KCNU1: variants seen among roughly 807,000 people sequenced by gnomAD.
The protein encoded by KCNU1 is potassium calcium-activated channel subfamily U member 1.
In KCNU1, 93 loss-of-function variants were observed where a neutral mutation model predicts 126.8. The ratio of observed to expected loss-of-function variants is 0.73; its 90% CI spans 0.62 to 0.87. KCNU1 has a LOEUF of 0.87. KCNU1 is among the 40% of genes least tolerant of loss of function. The pLI is 0.00. For missense variants in KCNU1, 1,330 were observed against 1,367.1 expected (o/e 0.97, Z 0.43); for synonymous variants, 523 against 494.2 (o/e 1.06, Z -0.77).
At chr8:36,892,539 T>A (rs1381831504) in intron 19 of KCNU1, among the ~76,000 whole-genome samples, 1 of 131,394 alleles carries the variant, frequency 7.6e-6, no homozygotes, top group African/African-American at 2.9e-5. Flanking sequence ...TGTCTTTGTG[T>A]CTCATAATTT....
Position 36,833,673 on chromosome 8 carries a change from G to A in KCNU1, c.1212+14G>A. 6.6e-7 allele frequency: 1 copy of A among 1,506,128 alleles called. No individual in the cohort carries two copies. Among genetic ancestry groups the A allele is most frequent in the Non-Finnish European group, 9.2e-7 (1 of 1,082,922 alleles). The allele number at this position is 1,506,128 out of a possible 1,614,324, so 93.3% of individuals were successfully genotyped here. On this transcript the variant is annotated intron_variant, in intron 11 of 26. Coordinates refer to ENST00000399881, the MANE Select transcript of KCNU1 (RefSeq NM_001031836.3). ...AGGCGAGTTGCGGTAAGATCTAGCT[G>A]TTTTTGTTCCTTGTAGTTTTCCTTA... is the stretch of plus-strand genomic sequence containing the variant.
At chr8:36,880,836 A>C (rs1160756396) in intron 19 of KCNU1, among the ~76,000 whole-genome samples, 1 of 152,154 alleles carries the variant, frequency 6.6e-6, no homozygotes, top group African/African-American at 2.4e-5. Context: ...AAGCTGAGAA[A>C]ATAAAAACCT....
At chr8:36,935,209 C>T (rs921577929) in intron 26 of KCNU1, among the ~76,000 whole-genome samples, 1 of 152,020 alleles carries the variant, frequency 6.6e-6, no homozygotes, top group African/African-American at 2.4e-5. Flanking sequence ...CCCACTGGAA[C>T]AAAAGATGAG....
At position 36,837,061 on chromosome 8, in the gene KCNU1, C is replaced by T. The variant is rs567461089; in HGVS notation, c.1518+116C>T. ...CAAGGCCCCAAGCAATGAGATATGACTTCTGCTTGAGCTGGGAAGGGATTA... is the reference window on the plus strand; with the variant it reads ...CAAGGCCCCAAGCAATGAGATATGATTTCTGCTTGAGCTGGGAAGGGATTA... On this transcript the variant is annotated intron_variant, in intron 14 of 26. Coordinates refer to ENST00000399881, the MANE Select transcript of KCNU1 (RefSeq NM_001031836.3). The T allele has an allele frequency of 1.3e-3, 1,217 of 943,246 alleles. 4 individuals carry two copies. The highest frequency in any genetic ancestry group is 1.7e-3 in the Non-Finnish European group (1,065 of 613,740). 58.4% of individuals were successfully genotyped at this position (943,246 alleles called of 1,614,324 possible). A position where few individuals can be genotyped will look rare whatever the true frequency, so the allele number is the denominator to read the frequency against.
intron 10 of KCNU1, among the ~76,000 whole-genome samples, chr8:36,832,927 T>C (rs1486113445): frequency 2.0e-5 from 3 of 152,116 alleles, no homozygotes; most frequent in Non-Finnish European, 4.4e-5. Context: ...ATAATATTTT[T>C]AGCACTCTAT....
At chr8:36,905,284 A>AT (rs2117506408) in intron 19 of KCNU1, among the ~76,000 whole-genome samples, 1 of 152,262 alleles carries the variant, frequency 6.6e-6, no homozygotes, top group South Asian at 2.1e-4. Context: ...AGGAGACAGG[A>AT]GGAAAATAGG....
intron 2 of KCNU1, among the ~76,000 whole-genome samples, chr8:36,791,960 G>A (rs1049622320): frequency 2.6e-5 from 4 of 152,016 alleles, no homozygotes; most frequent in Admixed American, 2.6e-4. Context: ...TGTAGCATGA[G>A]AATACAGTTT....
intron 19 of KCNU1, among the ~76,000 whole-genome samples, chr8:36,904,509 C>T (rs1179298349): frequency 6.6e-6 from 1 of 152,152 alleles, no homozygotes; most frequent in African/African-American, 2.4e-5. Flanking sequence ...GGCTCTTTGA[C>T]TTTTATCCAT....
chr8:36,831,698 A>G (rs1804554520), intron 10 of KCNU1, among the ~76,000 whole-genome samples: 1 of 147,560 alleles, frequency 6.8e-6, no homozygotes, highest in East Asian at 2.0e-4. Context: ...ATTTTCTCCC[A>G]TTTTGTAGGT....
chr8:36,840,793 C>A, intron 15 of KCNU1, 139 bp from the exon 16 acceptor site: 2 of 715,084 alleles, frequency 2.8e-6, no homozygotes, highest in Non-Finnish European at 5.0e-6. Context: ...GGTGGATTCA[C>A]TTACAAGGGA....
rs551746952 is a variant in KCNU1 at position 36,886,567 on chromosome 8, A to T, written c.2010-19141A>T. On this transcript the variant is annotated intron_variant, in intron 19 of 26. Transcript: ENST00000399881. The stretch of plus-strand genomic sequence containing the variant: ...TTTATGTTGAACAGGTTGGCAAAAC[A>T]AACGTATTCAACAGGTTACAGGAAG... 2.0e-5 allele frequency among the ~76,000 whole-genome samples: 3 copies of T among 152,324 alleles called. No individual in the cohort carries two copies. The South Asian group carries it at 6.2e-4, about 32-fold the overall frequency.
chr8:36,902,858 A>G (rs190419457), intron 19 of KCNU1, among the ~76,000 whole-genome samples: 1 of 152,100 alleles, frequency 6.6e-6, no homozygotes, highest in African/African-American at 2.4e-5. Flanking sequence ...GTTGGAGCAC[A>G]TGGCTTATAG....
At chr8:36,846,865 T>C (rs1287085477) in intron 18 of KCNU1, among the ~76,000 whole-genome samples, 2 of 152,184 alleles carry the variant, frequency 1.3e-5, no homozygotes, top group African/African-American at 4.8e-5. Context: ...TTTCAGAATT[T>C]AACCTTAGTC....
chr8:36,928,127 C>G (rs915910359), intron 24 of KCNU1, among the ~76,000 whole-genome samples: 1 of 151,924 alleles, frequency 6.6e-6, no homozygotes, highest in Admixed American at 6.6e-5. Flanking sequence ...GATGAGCTCA[C>G]AGAACATGGG....
At chr8:36,825,584 T>C (rs1429499494) in intron 10 of KCNU1, among the ~76,000 whole-genome samples, 1 of 152,184 alleles carries the variant, frequency 6.6e-6, no homozygotes, top group East Asian at 1.9e-4. Context: ...AAGTGCAGTT[T>C]TGTTACATGG....
rs544718848 is a variant in KCNU1, at chr8:36,927,883, G to T, written c.2737-3068G>T. ...CCCTTCAACTTGCAGATTTTCTTGT[G>T]AAAGACAAGAGGGATGGAGAGAGAG... On this transcript the variant is annotated intron_variant, in intron 24 of 26. Coordinates refer to ENST00000399881, the MANE Select transcript of KCNU1 (RefSeq NM_001031836.3). Among the ~76,000 whole-genome samples the T allele has an allele frequency of 4.6e-4, 68 of 149,312 alleles. No homozygotes were observed. In the East Asian group the frequency reaches 0.013, roughly 28 times the overall value.
chr8:36,905,057 A>T (rs753062191), intron 19 of KCNU1, among the ~76,000 whole-genome samples: 3 of 152,150 alleles, frequency 2.0e-5, no homozygotes, highest in Non-Finnish European at 2.9e-5. Flanking sequence ...TTTTCAAAAG[A>T]ACATCCAACT....
rs559743870 is a variant in KCNU1 at position 36,799,454 on chromosome 8, T to G, written c.316-4573T>G. On this transcript the variant is annotated intron_variant, in intron 2 of 26. Transcript: ENST00000399881. ...CTTTTTTATTTAGCTATTCTTTTTT[T>G]GGGAGGGGGGGCAGGGTAGAAGTGT... 5.4e-5 allele frequency among the ~76,000 whole-genome samples: 8 copies of G among 149,348 alleles called. No individual in the cohort carries two copies. In the South Asian group the frequency reaches 1.1e-3, roughly 21 times the overall value.
chr8:36,837,032 G>A, intron 14 of KCNU1, 87 bp downstream of exon 14: 1 of 1,288,046 alleles, frequency 7.8e-7, no homozygotes, highest in Non-Finnish European at 1.1e-6. Flanking sequence ...TTTGAGAAAA[G>A]CATCAAGGCC....
Sources: gnomAD v4.1 joint callset for allele counts (sites outside exome capture counted in the v4.1 genomes callset) on GRCh38, gnomAD v4.1.1 for gene constraint, MANE v1.5 for transcripts, NCBI Gene and HGNC (gene_info 2026-07-23, HGNC 2026-07-21) for gene names.